SH3BP5L: variants seen among roughly 807,000 people sequenced by gnomAD.
SH3BP5L encodes the protein SH3 binding domain protein 5 like, also known as SH3 domain-binding protein 5-like.
Under a neutral mutation model 40.9 loss-of-function variants are expected in SH3BP5L, and 16 were observed. That is an observed-to-expected ratio of 0.39 (90% CI 0.27 to 0.59). The LOEUF is 0.59. Ranked by LOEUF, SH3BP5L falls within the 20% of genes least tolerant of loss-of-function variation. The probability of loss-of-function intolerance (pLI) is 0.53; values close to 1 mark genes in which losing one functional copy is unlikely to be tolerated. For synonymous variants in SH3BP5L, 229 were observed against 226.7 expected, an observed-to-expected ratio of 1.01 and a Z score of -0.09; for missense variants, 471 against 544.6, an observed-to-expected ratio of 0.86 and a Z score of 1.35.
intron 2 of SH3BP5L, 199 bp from the exon 3 acceptor site, chr1:248,817,083 T>C: frequency 6.6e-7 from 1 of 1,520,110 alleles, no homozygotes; most frequent in Admixed American, 2.0e-5. Flanking sequence ...CAATCTCACG[T>C]AATCCTCACA....
At position 248,812,325 on chromosome 1, in the gene SH3BP5L, C is replaced by A; in HGVS notation, c.757G>T (p.Ala253Ser). 6.2e-7 allele frequency: 1 copy of A among 1,608,970 alleles called. No individual in the cohort carries two copies. The highest frequency in any genetic ancestry group is 1.6e-4 in the Middle Eastern group (1 of 6,062). Residue 253 changes from alanine (A) to serine (S), a missense_variant, in exon 7 of 7, where the codon GCC (alanine) becomes TCC (serine). Around this residue, in one of 2 missense-constraint regions of SH3BP5L, gnomAD observed 275 missense variants for 370.1 expected, o/e 0.74. Transcript: ENST00000366472. The surrounding 1 kb of genome is among the most constrained non-coding windows in gnomAD (Gnocchi z 6.1). ...AGGGCCACGGAGTAGCGCGTCTTGG[C>A]CTGAGCTACCTGCTGCTCCAGTTCT... The part of the protein sequence containing the change: ...VTELEQQVAQ[A>S]KTRYSVALRN...
chr1:248,813,620 G>C (rs1664019519), intron 5 of SH3BP5L: 1 of 156,854 alleles, frequency 6.4e-6, no homozygotes, highest in African/African-American at 2.4e-5. Flanking sequence ...AGAAGAGCCT[G>C]TGTGGGGAGC....
At position 248,811,735 on chromosome 1, in the gene SH3BP5L, G is replaced by A. The variant is rs1558224913; in HGVS notation, c.*165C>T. 4 of 575,306 alleles carry A rather than the reference G, an allele frequency of 7.0e-6. No homozygotes were observed. Among genetic ancestry groups the A allele is most frequent in the Admixed American group, 3.3e-5 (1 of 30,004 alleles). 35.6% of individuals were successfully genotyped at this position (575,306 alleles called of 1,614,324 possible). Reference sequence around the variant, plus strand: ...AGGGGAAGGGGGAGGCTGTGAGAACGCCAGGGCAGGCACAGAGGACTCGAA... The same window carrying A: ...AGGGGAAGGGGGAGGCTGTGAGAACACCAGGGCAGGCACAGAGGACTCGAA... On this transcript the variant is annotated 3_prime_UTR_variant, in exon 7 of 7. Coordinates refer to ENST00000366472, the MANE Select transcript of SH3BP5L (RefSeq NM_030645.3).
chr1:248,813,365 A>G, intron 5 of SH3BP5L: 2 of 451,066 alleles, frequency 4.4e-6, no homozygotes, highest in Non-Finnish European at 3.8e-6. Flanking sequence ...TCTCTCTTGG[A>G]TCTGCTGCCT....
chr1:248,814,340 T>C (rs1388186816), intron 5 of SH3BP5L, 109 bp downstream of exon 5: 10 of 1,280,292 alleles, frequency 7.8e-6, no homozygotes, highest in African/African-American at 3.0e-5. Context: ...AGAATCAAAG[T>C]TGAAAGAAGG....
Position 248,824,779 on chromosome 1 carries a change from C to G in SH3BP5L, c.157G>C (p.Glu53Gln). 1 of 1,614,042 alleles carries G rather than the reference C, an allele frequency of 6.2e-7. No homozygotes were observed. The change falls in exon 2 of 7, where the codon GAG becomes CAG. Residue 53 changes from glutamate (E) to glutamine (Q), a missense_variant. Physicochemically the swap from Glu to Gln is conservative, Grantham distance 29 (BLOSUM62 2). Coordinates refer to ENST00000366472, the MANE Select transcript of SH3BP5L (RefSeq NM_030645.3). The stretch of plus-strand genomic sequence containing the variant: ...TGTATTCTAGGATCCAGTTCTTCCT[C>G]CTCTCTTGGGGACAATTTGGCCTCA... ...SSEAKLSPRE[E>Q]EELDPRIQEE... is the part of the protein sequence containing the mutation.
intron 2 of SH3BP5L, 84 bp from the exon 3 acceptor site, chr1:248,816,968 G>A: frequency 6.2e-7 from 1 of 1,607,452 alleles, no homozygotes; most frequent in South Asian, 1.1e-5. Context: ...AACACAGAGA[G>A]AGAGAGCCCC....
chr1:248,811,716 A>AG lies in SH3BP5L; in HGVS notation c.*183dup. 1.9e-6 allele frequency: 1 copy of AG among 537,694 alleles called. No homozygotes were observed. Among genetic ancestry groups the AG allele is most frequent in the Non-Finnish European group, 3.3e-6 (1 of 305,488 alleles). The allele number at this position is 537,694 out of a possible 1,614,324, so 33.3% of individuals were successfully genotyped here. ...CAAAGAGAGCCGCCTGCTGAGGGGAAGGGGGAGGCTGTGAGAACGCCAGGG... is the reference window on the plus strand; with the variant it reads ...CAAAGAGAGCCGCCTGCTGAGGGGAAGGGGGGAGGCTGTGAGAACGCCAGGG... On this transcript the variant is annotated 3_prime_UTR_variant, in exon 7 of 7. Coordinates refer to ENST00000366472, the MANE Select transcript of SH3BP5L (RefSeq NM_030645.3).
In SH3BP5L at chr1:248,811,661, G is replaced by A. The variant is rs1663928030; in HGVS notation, c.*239C>T. 2 of 500,692 alleles carry A rather than the reference G, an allele frequency of 4.0e-6. No homozygotes were observed. Among genetic ancestry groups the A allele is most frequent in the Non-Finnish European group, 3.5e-6 (1 of 284,020 alleles). The allele number at this position is 500,692 out of a possible 1,614,324, so 31.0% of individuals were successfully genotyped here. A position where few individuals can be genotyped will look rare whatever the true frequency, so the allele number is the denominator to read the frequency against. On this transcript the variant is annotated 3_prime_UTR_variant, in exon 7 of 7. Transcript: ENST00000366472. ...GCTGGCAGGCAGAGGCAGACAGAGC[G>A]CCGAGGGCGAGCCTTCTGAATGGGT...
rs2103010687 is a variant in SH3BP5L at position 248,811,977 on chromosome 1, C to T, written c.1105G>A (p.Gly369Arg). ...DHVSLDGQELGTRSGGRRGSD... is the reference protein window; with the variant it reads ...DHVSLDGQELRTRSGGRRGSD... ...CCCCGGCGCCCTCCACTCCGCGTTCCCAGCTCTTGGCCGTCCAGACTGACG... is the reference window on the plus strand; with the variant it reads ...CCCCGGCGCCCTCCACTCCGCGTTCTCAGCTCTTGGCCGTCCAGACTGACG... The change falls in exon 7 of 7, where the codon GGA becomes AGA. Residue 369 changes from glycine to arginine, a missense_variant. Physicochemically the swap from Gly to Arg is moderately radical, Grantham distance 125. Transcript: ENST00000366472. The T allele has an allele frequency of 6.3e-7, 1 of 1,598,578 alleles. No homozygotes were observed.
At position 248,821,279 on chromosome 1, in the gene SH3BP5L, G is replaced by T; in HGVS notation, c.183+3474C>A. 6.6e-6 allele frequency: 1 copy of T among 152,522 alleles called. No homozygotes were observed. The allele number at this position is 152,522 out of a possible 1,614,324, so 9.4% of individuals were successfully genotyped here. Reference sequence around the variant, plus strand: ...GCACTCAGCTGAAACGGAATTTGGGGAGGACAAAGTCTGAATCAACGTGCA... The same window carrying T: ...GCACTCAGCTGAAACGGAATTTGGGTAGGACAAAGTCTGAATCAACGTGCA... On this transcript the variant is annotated intron_variant, in intron 2 of 6. Coordinates refer to ENST00000366472, the MANE Select transcript of SH3BP5L (RefSeq NM_030645.3). The surrounding 1 kb of genome is among the most constrained non-coding windows in gnomAD (Gnocchi z 4.6).
chr1:248,813,321 C>T (rs1042261357), intron 5 of SH3BP5L, 159 bp from the exon 6 acceptor site: 19 of 664,816 alleles, frequency 2.9e-5, no homozygotes, highest in Admixed American at 3.8e-5. Context: ...CAGGGGAACA[C>T]GGGGTCTATG....
At chr1:248,819,830 G>A (rs1399198907) in intron 2 of SH3BP5L, among the ~76,000 whole-genome samples, 2 of 151,940 alleles carry the variant, frequency 1.3e-5, no homozygotes, top group Non-Finnish European at 2.9e-5. Flanking sequence ...GCCACGGGTT[G>A]GAAAAGCTTG....
chr1:248,825,841 T>G lies in SH3BP5L; in HGVS notation c.-438A>C. ...GCCCCCCGCACAGCCTTACCTCAGTTTACCTTCCCGTCCGCGGAGCTTCTA... is the reference window on the plus strand; with the variant it reads ...GCCCCCCGCACAGCCTTACCTCAGTGTACCTTCCCGTCCGCGGAGCTTCTA... On this transcript the variant is annotated 5_prime_UTR_variant, in exon 1 of 7. Coordinates refer to ENST00000366472, the MANE Select transcript of SH3BP5L (RefSeq NM_030645.3). 1 of 982,332 alleles carries G rather than the reference T, an allele frequency of 1.0e-6. No individual in the cohort carries two copies. Among genetic ancestry groups the G allele is most frequent in the Non-Finnish European group, 1.2e-6 (1 of 827,534 alleles). 60.9% of individuals were successfully genotyped at this position (982,332 alleles called of 1,614,324 possible).
At chr1:248,813,922 C>T (rs186742774) in intron 5 of SH3BP5L, 293 of 173,712 alleles carry the variant, frequency 1.7e-3, no homozygotes, top group Middle Eastern at 6.0e-3. Flanking sequence ...GATGAAGAAT[C>T]ACAAGCCACA....
At position 248,825,024 on chromosome 1, in the gene SH3BP5L, A is replaced by G; in HGVS notation, c.-89T>C. On this transcript the variant is annotated 5_prime_UTR_variant, in exon 2 of 7. Coordinates refer to ENST00000366472, the MANE Select transcript of SH3BP5L (RefSeq NM_030645.3). ...CAGCTTGGGGCTTCCTGGGCTCTAG[A>G]TGGCCAGGAGAAGAGTTTCTCTTCT... 6 of 1,498,868 alleles carry G rather than the reference A, an allele frequency of 4.0e-6. No individual in the cohort carries two copies. The South Asian group carries it at 8.0e-5, about 20-fold the overall frequency. The allele number at this position is 1,498,868 out of a possible 1,614,324, so 92.8% of individuals were successfully genotyped here. A position where few individuals can be genotyped will look rare whatever the true frequency, so the allele number is the denominator to read the frequency against.
intron 2 of SH3BP5L, 128 bp downstream of exon 2, chr1:248,824,625 C>T: frequency 2.5e-6 from 3 of 1,195,000 alleles, no homozygotes; most frequent in Non-Finnish European, 3.5e-6. Context: ...GATTTGTTGA[C>T]AAACTTGTTC....
intron 2 of SH3BP5L, among the ~76,000 whole-genome samples, chr1:248,819,776 T>A (rs188186629): frequency 6.6e-6 from 1 of 151,536 alleles, no homozygotes; most frequent in African/African-American, 2.4e-5. Context: ...CAAATTTGCA[T>A]TGGGCCGTGT....
chr1:248,823,086 TGC>T (rs1461240111), intron 2 of SH3BP5L, among the ~76,000 whole-genome samples: 1 of 152,216 alleles, frequency 6.6e-6, no homozygotes, highest in African/African-American at 2.4e-5. Context: ...CATGTGCCTA[TGC>T]AGACACTGGA....
Sources: allele counts gnomAD v4.1 joint callset (sites outside exome capture counted in the v4.1 genomes callset), GRCh38; gene constraint gnomAD v4.1.1; regional missense constraint gnomAD v4.1.1; non-coding constraint Gnocchi (gnomAD v3.1); transcripts MANE v1.5; gene names NCBI Gene and HGNC (gene_info 2026-07-23, HGNC 2026-07-21).